The following TULP4 variants were observed in gnomAD, a reference collection of about 807,000 sequenced individuals.
TULP4 encodes tubby-related protein 4.
In TULP4, 16 loss-of-function variants were observed where a neutral mutation model predicts 129.0. The ratio of observed to expected loss-of-function variants is 0.12; its 90% CI spans 0.08 to 0.19. The LOEUF is 0.19. Among genes scored for constraint, TULP4 ranks in the 10% least tolerant of loss-of-function variants. TULP4 has a pLI of 1.00. For synonymous variants in TULP4, 998 were observed against 854.0 expected, an observed-to-expected ratio of 1.17 and a Z score of -2.94; for missense variants, 1,842 against 2,059.1, an observed-to-expected ratio of 0.89 and a Z score of 2.04.
intron 6 of TULP4, among the ~76,000 whole-genome samples, chr6:158,465,983 T>G (rs1174136408): frequency 6.6e-6 from 1 of 152,224 alleles, no homozygotes; most frequent in Admixed American, 6.5e-5. Flanking sequence ...CAGCCAAAAT[T>G]ATGACCCATT....
At chr6:158,340,006 C>G (rs542133529) in intron 1 of TULP4, among the ~76,000 whole-genome samples, 1 of 152,284 alleles carries the variant, frequency 6.6e-6, no homozygotes, top group East Asian at 1.9e-4. Flanking sequence ...GTTCGGGGTC[C>G]CTGAGTTCCC....
chr6:158,347,340 T>C (rs1780336469), intron 1 of TULP4, among the ~76,000 whole-genome samples: 1 of 152,232 alleles, frequency 6.6e-6, no homozygotes, highest in Non-Finnish European at 1.5e-5. Context: ...TATAGAAATA[T>C]GAAATATATA....
chr6:158,317,064 G>T (rs958494919), intron 1 of TULP4, among the ~76,000 whole-genome samples: 2 of 152,204 alleles, frequency 1.3e-5, no homozygotes, highest in Non-Finnish European at 2.9e-5. Flanking sequence ...ATACCAGGGG[G>T]TGTGGTTTTA....
In TULP4 at chr6:158,251,359, A is replaced by G. The variant is rs540460645; in HGVS notation, n.68+19056A>G. Among the ~76,000 whole-genome samples the G allele has an allele frequency of 1.5e-4, 23 of 152,282 alleles. No individual in the cohort carries two copies. The South Asian group carries it at 4.8e-3, about 32-fold the overall frequency. On this transcript the variant is annotated intron_variant and non_coding_transcript_variant, in intron 1 of 1. Coordinates refer to the TULP4 transcript ENST00000620026. Reference sequence around the variant, plus strand: ...ATTTTGTTTCTTGGCTTCTGTATTCATGTGTGGAACTTCATTGTCATGTGA... The same window carrying G: ...ATTTTGTTTCTTGGCTTCTGTATTCGTGTGTGGAACTTCATTGTCATGTGA...
chr6:158,478,030 T>C (rs1188772538), intron 6 of TULP4, among the ~76,000 whole-genome samples: 2 of 152,154 alleles, frequency 1.3e-5, no homozygotes, highest in Non-Finnish European at 2.9e-5. Context: ...TACCATATAT[T>C]CTCACTTCTA....
In TULP4 at chr6:158,502,169, C is replaced by A; in HGVS notation, c.2506C>A (p.Pro836Thr). The A allele has an allele frequency of 6.4e-7, 1 of 1,569,496 alleles. No homozygotes were observed. The highest frequency in any genetic ancestry group is 2.3e-5 in the East Asian group (1 of 43,256). The change falls in exon 13 of 14, where the codon CCG (proline) becomes ACG (threonine). Residue 836 changes from proline to threonine, a missense_variant. Transcript: ENST00000367097. Reference sequence around the variant, plus strand: ...GGTGACGAAGATAAACCCTCCACCCCCGTACCCAGGAACCATCCCCGCTGC... The same window carrying A: ...GGTGACGAAGATAAACCCTCCACCCACGTACCCAGGAACCATCCCCGCTGC... Reference protein sequence around the residue: ...VQVTKINPPPPYPGTIPAAPT... With the variant: ...VQVTKINPPPTYPGTIPAAPT...
chr6:158,273,321 C>T (rs1015165549), intron 1 of TULP4, among the ~76,000 whole-genome samples: 2 of 151,976 alleles, frequency 1.3e-5, no homozygotes, highest in Admixed American at 1.3e-4. Flanking sequence ...TTCTCACCCT[C>T]CTCTGCTGGC....
intron 6 of TULP4, among the ~76,000 whole-genome samples, chr6:158,462,305 G>C (rs1233425542): frequency 1.3e-5 from 2 of 151,660 alleles, no homozygotes; most frequent in Admixed American, 6.6e-5. Flanking sequence ...TAAGTCTCCA[G>C]AAGTCCAGTC....
rs1041780147 is a variant in TULP4, at chr6:158,464,645, C to A, written c.1026+2916C>A. Reference sequence around the variant, plus strand: ...CCAACTCCTGACCTTGTGATCCGCCCTCCTCGGCCTCCTATAGTGCTAGAA... The same window carrying A: ...CCAACTCCTGACCTTGTGATCCGCCATCCTCGGCCTCCTATAGTGCTAGAA... On this transcript the variant is annotated intron_variant, in intron 6 of 13. Coordinates refer to ENST00000367097, the MANE Select transcript of TULP4 (RefSeq NM_020245.5). 1.1e-4 allele frequency among the ~76,000 whole-genome samples: 16 copies of A among 152,318 alleles called. No homozygotes were observed. The East Asian group carries it at 2.5e-3, about 24-fold the overall frequency.
intron 1 of TULP4, among the ~76,000 whole-genome samples, chr6:158,232,598 G>T (rs73027871): frequency 0.41 from 62,675 of 151,890 alleles, 13,418 homozygotes; most frequent in East Asian, 0.54. Context: ...GCGCGGGGCG[G>T]GCGTGCGTGT....
chr6:158,349,043 T>C (rs1344857949), intron 1 of TULP4, among the ~76,000 whole-genome samples: 2 of 60,948 alleles, frequency 3.3e-5, no homozygotes, highest in East Asian at 4.6e-4. Context: ...GCAGAGGCGC[T>C]CCTCACTTCC....
chr6:158,342,816 G>T (rs1271041016), intron 1 of TULP4, among the ~76,000 whole-genome samples: 1 of 152,186 alleles, frequency 6.6e-6, no homozygotes, highest in East Asian at 1.9e-4. Flanking sequence ...TAGGGCTGTT[G>T]TGAGGATTAA....
rs150475135 is a variant in TULP4 at position 158,479,893 on chromosome 6, G to T, written c.1169G>T (p.Arg390Leu). ...LCQQAIASTL[R>L]EDKDVSKLTL... The stretch of plus-strand genomic sequence containing the variant: ...CAGCAGGCCATCGCCAGCACCTTGC[G>T]TGAGGACAAGGACGTCAGCAAGCTG... The change falls in exon 7 of 14, where the codon CGT becomes CTT. Residue 390 changes from arginine to leucine, a missense_variant. By Grantham distance (102) the Arg-to-Leu change is moderately radical (BLOSUM62 -2). Coordinates refer to ENST00000367097, the MANE Select transcript of TULP4 (RefSeq NM_020245.5). The T allele has an allele frequency of 2.0e-5, 33 of 1,613,072 alleles. No individual in the cohort carries two copies. Among genetic ancestry groups the T allele is most frequent in the Non-Finnish European group, 2.8e-5 (33 of 1,180,028 alleles).
At chr6:158,348,902 C>G (rs1283904793) in intron 1 of TULP4, among the ~76,000 whole-genome samples, 4 of 144,102 alleles carry the variant, frequency 2.8e-5, no homozygotes, top group Admixed American at 6.9e-5. Flanking sequence ...CCTCACCTCC[C>G]AGACGAAGGG....
intron 1 of TULP4, among the ~76,000 whole-genome samples, chr6:158,301,124 G>A (rs140321044): frequency 0.034 from 5,246 of 152,266 alleles, 151 homozygotes; most frequent in South Asian, 0.11. Flanking sequence ...TGATAGTAGC[G>A]GTTTCTATAT....
chr6:158,343,893 C>T (rs908326447), intron 1 of TULP4, among the ~76,000 whole-genome samples: 8 of 152,064 alleles, frequency 5.3e-5, no homozygotes, highest in African/African-American at 1.9e-4. Context: ...GATGTCAGGC[C>T]CCTGAGCCCA....
chr6:158,242,741 C>G, intron 1 of TULP4: 1 of 475,574 alleles, frequency 2.1e-6, no homozygotes, highest in South Asian at 2.1e-5. Flanking sequence ...TGAGAGCACA[C>G]AGGAAGTTGC....
Position 158,481,043 on chromosome 6 carries a change from T to G in TULP4, c.1252-12T>G. 6.5e-7 allele frequency: 1 copy of G among 1,544,324 alleles called. No individual in the cohort carries two copies. Among genetic ancestry groups the G allele is most frequent in the Non-Finnish European group, 8.7e-7 (1 of 1,143,712 alleles). On this transcript the variant is annotated splice_polypyrimidine_tract_variant and intron_variant, in intron 7 of 13. Coordinates refer to ENST00000367097, the MANE Select transcript of TULP4 (RefSeq NM_020245.5). ...GAGTCCCAGCTCTTCATTTTCTTCCTGTATCCTCCAGCCCCCAATTCCAGA... is the reference window on the plus strand; with the variant it reads ...GAGTCCCAGCTCTTCATTTTCTTCCGGTATCCTCCAGCCCCCAATTCCAGA...
At chr6:158,490,017 T>C (rs1389694808) in intron 9 of TULP4, among the ~76,000 whole-genome samples, 2 of 152,136 alleles carry the variant, frequency 1.3e-5, no homozygotes, top group Non-Finnish European at 2.9e-5. Flanking sequence ...TTCCCGGGCT[T>C]ATATGTTTTT....
Sources: allele counts gnomAD v4.1 joint callset (sites outside exome capture counted in the v4.1 genomes callset), GRCh38; gene constraint gnomAD v4.1.1; transcripts MANE v1.5; gene names NCBI Gene and HGNC (gene_info 2026-07-23, HGNC 2026-07-21).